Variants in TRPC7 observed in about 807,000 individuals in gnomAD.
TRPC7 encodes the protein transient receptor potential cation channel subfamily C member 7, also known as short transient receptor potential channel 7.
A neutral mutation model predicts 90.1 loss-of-function variants in TRPC7; 42 were observed. The ratio of observed to expected loss-of-function variants is 0.47; its 90% CI spans 0.36 to 0.60. The LOEUF is 0.60. TRPC7 is among the 20% of genes least tolerant of loss of function. The pLI, the probability that TRPC7 is intolerant of heterozygous loss-of-function variation, is 0.00. For missense variants in TRPC7, 955 were observed against 1,112.3 expected (o/e 0.86, Z 2.01); for synonymous variants, 451 against 436.3 (o/e 1.03, Z -0.42).
chr5:136,309,439 T>G (rs955734245), intron 3 of TRPC7, among the ~76,000 whole-genome samples: 1 of 152,236 alleles, frequency 6.6e-6, no homozygotes, highest in Non-Finnish European at 1.5e-5. Context: ...AGGGTGATTC[T>G]TTTTCCTGTT....
intron 4 of TRPC7, among the ~76,000 whole-genome samples, chr5:136,270,700 A>G (rs1405293314): frequency 1.3e-5 from 2 of 152,190 alleles, no homozygotes; most frequent in Non-Finnish European, 2.9e-5. Flanking sequence ...GTGATAGGAA[A>G]TAGATGGAGA....
At chr5:136,269,284 T>C (rs1333366681) in intron 4 of TRPC7, among the ~76,000 whole-genome samples, 2 of 152,236 alleles carry the variant, frequency 1.3e-5, no homozygotes, top group African/African-American at 2.4e-5. Flanking sequence ...TCCTGGCCAC[T>C]ATTCTTTGGC....
At position 136,349,790 on chromosome 5, in the gene TRPC7, C is replaced by A. The variant is rs139714228; in HGVS notation, c.780+6818G>T. Among the ~76,000 whole-genome samples the A allele has an allele frequency of 5.1e-3, 775 of 152,286 alleles. 5 individuals are homozygous for A. Among genetic ancestry groups the A allele is most frequent in the African/African-American group, 0.018 (737 of 41,556 alleles). ...CAAGTATTCCAGTTTGGTCAAGTTA[C>A]AACTGAAGTACAGTCATGCATGGCA... On this transcript the variant is annotated intron_variant, in intron 2 of 11. Transcript: ENST00000513104.
chr5:136,341,331 G>T (rs537905417), intron 2 of TRPC7, among the ~76,000 whole-genome samples: 19 of 152,138 alleles, frequency 1.2e-4, no homozygotes, highest in Admixed American at 5.2e-4. Flanking sequence ...GATGTGGACA[G>T]ATATTTCTGC....
chr5:136,344,474 A>G (rs942750417), intron 2 of TRPC7, among the ~76,000 whole-genome samples: 4 of 152,364 alleles, frequency 2.6e-5, no homozygotes, highest in Admixed American at 2.0e-4. Context: ...AGAAAAGATC[A>G]AAGTAGGCAA....
chr5:136,354,777 T>G (rs1489237997), intron 2 of TRPC7, among the ~76,000 whole-genome samples: 1 of 152,244 alleles, frequency 6.6e-6, no homozygotes, highest in Non-Finnish European at 1.5e-5. Flanking sequence ...GCTTTCCTCC[T>G]GAATGGCCTA....
intron 7 of TRPC7, among the ~76,000 whole-genome samples, chr5:136,237,411 A>C (rs1357711632): frequency 1.3e-5 from 2 of 152,232 alleles, no homozygotes; most frequent in Non-Finnish European, 2.9e-5. Context: ...CGAAACTGCA[A>C]ACCTCATCAG....
At chr5:136,252,467 G>A (rs1003355210) in intron 5 of TRPC7, among the ~76,000 whole-genome samples, 4 of 151,936 alleles carry the variant, frequency 2.6e-5, no homozygotes, top group African/African-American at 9.7e-5. Context: ...ATAACTTATT[G>A]GATTTTAAAG....
At chr5:136,296,118 G>T (rs1187096334) in intron 3 of TRPC7, among the ~76,000 whole-genome samples, 2 of 152,222 alleles carry the variant, frequency 1.3e-5, no homozygotes, top group African/African-American at 2.4e-5. Flanking sequence ...GTGGTGTGGT[G>T]TGGTATGGTG....
chr5:136,242,986 G>A (rs4077324), intron 7 of TRPC7, among the ~76,000 whole-genome samples: 18,293 of 152,234 alleles, frequency 0.12, 1,194 homozygotes, highest in Middle Eastern at 0.21. Flanking sequence ...TGGAGAAAAT[G>A]AGAATCTGGG....
At chr5:136,303,565 C>T (rs1297230741) in intron 3 of TRPC7, among the ~76,000 whole-genome samples, 1 of 152,142 alleles carries the variant, frequency 6.6e-6, no homozygotes, top group Non-Finnish European at 1.5e-5. Context: ...TCCAGAACCT[C>T]CTCCCCCAGG....
At position 136,247,464 on chromosome 5, in the gene TRPC7, T is replaced by C. The variant is rs1489115716; in HGVS notation, c.1844+7A>G. The C allele has an allele frequency of 2.5e-6, 4 of 1,604,360 alleles. No individual in the cohort carries two copies. Among genetic ancestry groups the C allele is most frequent in the Middle Eastern group, 1.7e-4 (1 of 6,036 alleles). On this transcript the variant is annotated splice_region_variant and intron_variant, in intron 7 of 11. Transcript: ENST00000513104. The surrounding 1 kb of genome is among the most constrained non-coding windows in gnomAD (Gnocchi z 4.2). ...AGAACCTCAGGGGAAAGCTCTCAGA[T>C]ACTCACGTTGTAAACGCTGGGTTGT...
intron 5 of TRPC7, among the ~76,000 whole-genome samples, chr5:136,252,114 GT>G (rs1296279479): frequency 6.6e-6 from 1 of 152,172 alleles, no homozygotes; most frequent in Non-Finnish European, 1.5e-5. Flanking sequence ...TGAGGAGAGA[GT>G]TTTCATTCGT....
intron 3 of TRPC7, among the ~76,000 whole-genome samples, chr5:136,301,692 A>C (rs561388791): frequency 1.3e-5 from 2 of 152,292 alleles, no homozygotes; most frequent in African/African-American, 4.8e-5. Context: ...CGCCTATCCC[A>C]AAACCTATAA....
At position 136,213,267 on chromosome 5, in the gene TRPC7, A is replaced by G. The variant is rs2149790600; in HGVS notation, c.*168T>C. The G allele has an allele frequency of 1.4e-6, 1 of 696,378 alleles. No homozygotes were observed. The highest frequency in any genetic ancestry group is 2.7e-5 in the East Asian group (1 of 36,470). 43.1% of individuals were successfully genotyped at this position (696,378 alleles called of 1,614,324 possible). ...ATTCACAGCAGTTCTGGGTCTAGGC[A>G]GGCCAGCGGGCTGGAGATGTCAGTC... On this transcript the variant is annotated 3_prime_UTR_variant, in exon 12 of 12. Transcript: ENST00000513104.
At chr5:136,301,645 T>G (rs1389860142) in intron 3 of TRPC7, among the ~76,000 whole-genome samples, 1 of 152,122 alleles carries the variant, frequency 6.6e-6, no homozygotes. Context: ...CTTTGTGAGA[T>G]CCACCCCTGC....
chr5:136,284,082 C>A (rs939627552), intron 3 of TRPC7, among the ~76,000 whole-genome samples: 3 of 152,204 alleles, frequency 2.0e-5, no homozygotes, highest in Non-Finnish European at 4.4e-5. Flanking sequence ...CTGCACTTAT[C>A]CAAGAAATGT....
intron 2 of TRPC7, among the ~76,000 whole-genome samples, chr5:136,349,538 T>C (rs1051542411): frequency 6.6e-6 from 1 of 152,216 alleles, no homozygotes; most frequent in Non-Finnish European, 1.5e-5. Context: ...GTATTTTTTA[T>C]CTCATTTAAT....
chr5:136,326,170 T>A (rs1400902090), intron 2 of TRPC7, among the ~76,000 whole-genome samples: 1 of 152,238 alleles, frequency 6.6e-6, no homozygotes, highest in Non-Finnish European at 1.5e-5. Context: ...GTGGAGCGCT[T>A]TCTCACTTTA....
Sources: allele counts gnomAD v4.1 joint callset (sites outside exome capture counted in the v4.1 genomes callset), GRCh38; gene constraint gnomAD v4.1.1; non-coding constraint Gnocchi (gnomAD v3.1); transcripts MANE v1.5; gene names NCBI Gene and HGNC (gene_info 2026-07-23, HGNC 2026-07-21).